The following ZNF365 variants were observed in gnomAD, a reference collection of about 807,000 sequenced individuals.
The protein encoded by ZNF365 is zinc finger protein 365.
ZNF365 carries 22 observed loss-of-function variants against 35.0 expected under a neutral mutation model. The observed-to-expected ratio is 0.63, with a 90% CI of 0.45 to 0.90. ZNF365 has a LOEUF of 0.90. ZNF365 is among the 40% of genes least tolerant of loss of function. The pLI is 0.00. For missense variants in ZNF365, 448 were observed against 500.3 expected (o/e 0.90, Z 1.00); for synonymous variants, 188 against 196.2 (o/e 0.96, Z 0.35).
chr10:62,398,178 C>T (rs946519423), intron 3 of ZNF365, among the ~76,000 whole-genome samples: 9 of 152,002 alleles, frequency 5.9e-5, no homozygotes, highest in African/African-American at 2.2e-4. Context: ...TTTGCAACTG[C>T]AAAAATATGG....
chr10:62,478,412 C>A (rs1178242247), intron 4 of ZNF365, among the ~76,000 whole-genome samples: 1 of 152,180 alleles, frequency 6.6e-6, no homozygotes, highest in African/African-American at 2.4e-5. Context: ...TCCCTTTAGC[C>A]CTTTGCTCTA....
chr10:62,398,799 TG>T, intron 4 of ZNF365, 22 bp downstream of exon 4: 1 of 1,604,618 alleles, frequency 6.2e-7, no homozygotes. Context: ...TTTTTATACT[TG>T]GGCCATTTGA....
intron 3 of ZNF365, among the ~76,000 whole-genome samples, chr10:62,395,504 A>ATTTT (rs67866839): frequency 2.8e-4 from 28 of 98,466 alleles, no homozygotes; most frequent in African/African-American, 8.8e-4. Flanking sequence ...CACCCGGCTA[A>ATTTT]TTTTTTTTTT....
intron 2 of ZNF365, among the ~76,000 whole-genome samples, chr10:62,379,468 C>T (rs1371792836): frequency 6.6e-5 from 10 of 150,450 alleles, no homozygotes; most frequent in Admixed American, 1.3e-4. Flanking sequence ...TTTTTTTAAA[C>T]GTTCATTTGG....
intron 3 of ZNF365, among the ~76,000 whole-genome samples, chr10:62,396,372 T>G (rs1240227512): frequency 6.6e-6 from 1 of 152,216 alleles, no homozygotes; most frequent in Non-Finnish European, 1.5e-5. Context: ...ATCAGTTACT[T>G]AACTCTGCTG....
downstream of ZNF365, among the ~76,000 whole-genome samples, chr10:62,403,707 A>T (rs1839866119): frequency 6.6e-6 from 1 of 152,228 alleles, no homozygotes; most frequent in Non-Finnish European, 1.5e-5. Flanking sequence ...GGACCCACTC[A>T]GTTCAAACCT....
At chr10:62,459,305 A>G (rs763773186) in intron 3 of ZNF365, among the ~76,000 whole-genome samples, 15 of 152,192 alleles carry the variant, frequency 9.9e-5, no homozygotes, top group Non-Finnish European at 2.2e-4. Flanking sequence ...ATTCAGAGGC[A>G]CTTCCTTCCA....
chr10:62,412,869 C>T (rs1840008565), intron 3 of ZNF365, among the ~76,000 whole-genome samples: 3 of 152,150 alleles, frequency 2.0e-5, no homozygotes, highest in Admixed American at 2.0e-4. Context: ...AGATTCAATG[C>T]TATTCCCACA....
chr10:62,388,317 C>T, intron 2 of ZNF365, 79 bp from the exon 3 acceptor site: 5 of 1,516,202 alleles, frequency 3.3e-6, no homozygotes, highest in Non-Finnish European at 3.6e-6. Flanking sequence ...AAATAGTAGG[C>T]ACTCAATAAA....
intron 3 of ZNF365, among the ~76,000 whole-genome samples, chr10:62,419,242 T>C (rs1202571091): frequency 6.6e-6 from 1 of 152,120 alleles, no homozygotes; most frequent in African/African-American, 2.4e-5. Flanking sequence ...TTGGAGGCTA[T>C]ACAGTTGGAT....
In ZNF365 at chr10:62,400,358, G is replaced by T. The variant is rs189121952; in HGVS notation, c.*569G>T. ...AATTTCTGGGTTGCTCAAGGGACTCGTTCAGTCAGACTTCAGTTCTCATTC... is the reference window on the plus strand; with the variant it reads ...AATTTCTGGGTTGCTCAAGGGACTCTTTCAGTCAGACTTCAGTTCTCATTC... On this transcript the variant is annotated 3_prime_UTR_variant, in exon 5 of 5. Coordinates refer to ENST00000395254, the MANE Select transcript of ZNF365 (RefSeq NM_014951.3). 6 of 986,194 alleles carry T rather than the reference G, an allele frequency of 6.1e-6. No homozygotes were observed. The highest frequency in any genetic ancestry group is 6.0e-6 in the Non-Finnish European group (5 of 830,230). 61.1% of individuals were successfully genotyped at this position (986,194 alleles called of 1,614,324 possible).
At chr10:62,430,152 T>C (rs1381191465) in intron 3 of ZNF365, among the ~76,000 whole-genome samples, 2 of 152,116 alleles carry the variant, frequency 1.3e-5, no homozygotes, top group Non-Finnish European at 2.9e-5. Context: ...TCTTTGGTTA[T>C]TTGCTTAGGA....
At chr10:62,397,289 G>T (rs1356388158) in intron 3 of ZNF365, among the ~76,000 whole-genome samples, 2 of 150,176 alleles carry the variant, frequency 1.3e-5, no homozygotes, top group African/African-American at 4.9e-5. Flanking sequence ...TTTTTTTAAG[G>T]AACTTCCTTT....
At chr10:62,434,123 C>T (rs371691264) in intron 3 of ZNF365, among the ~76,000 whole-genome samples, 5 of 152,296 alleles carry the variant, frequency 3.3e-5, no homozygotes, top group Admixed American at 6.5e-5. Flanking sequence ...TGTCGGAATC[C>T]GAATCAGCAG....
intron 2 of ZNF365, among the ~76,000 whole-genome samples, chr10:62,384,335 A>G (rs1226840405): frequency 6.6e-6 from 1 of 152,198 alleles, no homozygotes; most frequent in African/African-American, 2.4e-5. Context: ...GTCCGATAGC[A>G]TCATATTATT....
intron 2 of ZNF365, among the ~76,000 whole-genome samples, chr10:62,386,666 T>C (rs1235392452): frequency 6.6e-6 from 1 of 152,176 alleles, no homozygotes; most frequent in Non-Finnish European, 1.5e-5. Flanking sequence ...TGACTAATTG[T>C]AAAAGTGGCA....
intron 4 of ZNF365, among the ~76,000 whole-genome samples, chr10:62,478,124 A>T (rs761800235): frequency 3.3e-5 from 5 of 152,192 alleles, no homozygotes; most frequent in Non-Finnish European, 5.9e-5. Flanking sequence ...GTGATAGGAG[A>T]CAGTCTCTGT....
chr10:62,387,019 TGAGA>T, intron 2 of ZNF365, among the ~76,000 whole-genome samples: 1 of 152,328 alleles, frequency 6.6e-6, no homozygotes, highest in Non-Finnish European at 1.5e-5. Context: ...CCTTGAAGAC[TGAGA>T]GAGATTTTGG....
downstream of ZNF365, among the ~76,000 whole-genome samples, chr10:62,403,107 A>G (rs1322037945): frequency 1.3e-5 from 2 of 152,248 alleles, no homozygotes; most frequent in African/African-American, 4.8e-5. Flanking sequence ...ACTGTTGACC[A>G]GAAGCCCTAC....
Sources: gnomAD v4.1 joint callset for allele counts (sites outside exome capture counted in the v4.1 genomes callset) on GRCh38, gnomAD v4.1.1 for gene constraint, MANE v1.5 for transcripts, NCBI Gene and HGNC (gene_info 2026-07-23, HGNC 2026-07-21) for gene names.